Variants in OPCML observed in about 807,000 individuals in gnomAD.
OPCML encodes opioid-binding protein/cell adhesion molecule.
Under a neutral mutation model 37.8 loss-of-function variants are expected in OPCML, and 13 were observed. The ratio of observed to expected loss-of-function variants is 0.34; its 90% CI spans 0.22 to 0.55. OPCML has a LOEUF of 0.55. OPCML is among the 20% of genes least tolerant of loss of function. The pLI, the probability that OPCML is intolerant of heterozygous loss-of-function variation, is 0.91. For synonymous variants in OPCML, 176 were observed against 168.8 expected (o/e 1.04, Z -0.33); for missense variants, 341 against 435.6 (o/e 0.78, Z 1.93).
At chr11:133,324,689 C>T (rs1943408673) in intron 1 of OPCML, among the ~76,000 whole-genome samples, 1 of 152,126 alleles carries the variant, frequency 6.6e-6, no homozygotes, top group Non-Finnish European at 1.5e-5. Flanking sequence ...ATGGGCAGGG[C>T]TAAATTGTCA....
At chr11:133,360,652 A>C (rs1190387963) in intron 1 of OPCML, 1 of 152,316 alleles carries the variant, frequency 6.6e-6, no homozygotes, top group Non-Finnish European at 1.5e-5. Context: ...GAGACGGGCA[A>C]CTTATGTTGC....
intron 1 of OPCML, among the ~76,000 whole-genome samples, chr11:133,073,542 G>A (rs1195903979): frequency 3.9e-5 from 6 of 152,216 alleles, no homozygotes; most frequent in Admixed American, 3.9e-4. Flanking sequence ...TCCTGCCATT[G>A]GCAATGCCAG....
chr11:132,817,578 A>G (rs1939706176), intron 2 of OPCML, among the ~76,000 whole-genome samples: 1 of 152,148 alleles, frequency 6.6e-6, no homozygotes, highest in Admixed American at 6.5e-5. Context: ...TATGCTTCAG[A>G]GGTGATCTCA....
At chr11:132,824,565 A>G (rs749353159) in intron 2 of OPCML, among the ~76,000 whole-genome samples, 3 of 152,014 alleles carry the variant, frequency 2.0e-5, no homozygotes, top group Non-Finnish European at 2.9e-5. Flanking sequence ...CTTTCAATCC[A>G]TCTTCTCTTG....
At chr11:132,516,631 G>C (rs1026497696) in intron 4 of OPCML, among the ~76,000 whole-genome samples, 3 of 152,216 alleles carry the variant, frequency 2.0e-5, no homozygotes, top group African/African-American at 7.2e-5. Flanking sequence ...CCCAAGGAAA[G>C]GTTAGTGAAT....
At chr11:132,473,500 A>AT (rs928250443) in intron 4 of OPCML, among the ~76,000 whole-genome samples, 8 of 152,152 alleles carry the variant, frequency 5.3e-5, no homozygotes, top group African/African-American at 1.9e-4. Context: ...AGGAGACTGC[A>AT]TTTTTCAGAG....
intron 2 of OPCML, among the ~76,000 whole-genome samples, chr11:132,929,627 G>A (rs79867409): frequency 0.014 from 2,148 of 152,202 alleles, 57 homozygotes; most frequent in African/African-American, 0.049. Flanking sequence ...ACCAATACTA[G>A]TCTAATGTGC....
chr11:132,606,815 C>T (rs1938332591), intron 3 of OPCML, among the ~76,000 whole-genome samples: 2 of 152,128 alleles, frequency 1.3e-5, no homozygotes, highest in African/African-American at 4.8e-5. Flanking sequence ...ATCCCATGGA[C>T]TTGGGGCTGG....
chr11:133,491,941 G>C (rs770946558), intron 1 of OPCML, among the ~76,000 whole-genome samples: 2 of 152,164 alleles, frequency 1.3e-5, no homozygotes, highest in Non-Finnish European at 2.9e-5. Flanking sequence ...GGCTCCCACA[G>C]CAAGTGTCAC....
chr11:133,299,375 G>A (rs946876954), intron 1 of OPCML: 16 of 152,348 alleles, frequency 1.1e-4, no homozygotes, highest in Non-Finnish European at 1.9e-4. Flanking sequence ...AGTTGCTGGG[G>A]TTGAAGCTCT....
chr11:133,487,798 TGTGTGC>T (rs980100683), intron 1 of OPCML, among the ~76,000 whole-genome samples: 3 of 151,622 alleles, frequency 2.0e-5, no homozygotes, highest in African/African-American at 7.3e-5. Context: ...TGTGTGTGTG[TGTGTGC>T]GTGTGTGTAA....
intron 1 of OPCML, among the ~76,000 whole-genome samples, chr11:133,312,697 C>A (rs1311544556): frequency 1.3e-5 from 2 of 152,192 alleles, no homozygotes; most frequent in African/African-American, 2.4e-5. Context: ...CCTTCTACTA[C>A]TTGCAAGGGG....
intron 2 of OPCML, among the ~76,000 whole-genome samples, chr11:132,884,584 T>A (rs1414236238): frequency 1.3e-5 from 2 of 152,246 alleles, no homozygotes; most frequent in Non-Finnish European, 2.9e-5. Context: ...TAGTCTGCTA[T>A]AGTTTAAAGA....
At chr11:132,485,027 C>T (rs1235746100) in intron 4 of OPCML, among the ~76,000 whole-genome samples, 1 of 151,872 alleles carries the variant, frequency 6.6e-6, no homozygotes, top group Admixed American at 6.6e-5. Context: ...ATGTAACTAA[C>T]CTGCACATTG....
chr11:132,490,986 CCTCGG>C (rs200343108), intron 4 of OPCML, among the ~76,000 whole-genome samples: 3,025 of 152,240 alleles, frequency 0.02, 96 homozygotes, highest in East Asian at 0.063. Context: ...AGTTCAAAAG[CCTCGG>C]ACTCACTTTT....
At chr11:133,004,828 G>A (rs1196904666) in intron 1 of OPCML, 4 of 985,242 alleles carry the variant, frequency 4.1e-6, no homozygotes, top group East Asian at 1.1e-4. Context: ...CTCCATCTAC[G>A]GGAGTCAGTT....
At chr11:132,743,691 G>T (rs1251342761) in intron 2 of OPCML, among the ~76,000 whole-genome samples, 1 of 152,184 alleles carries the variant, frequency 6.6e-6, no homozygotes, top group Non-Finnish European at 1.5e-5. Context: ...CAAGCCTGCT[G>T]GTGTCACATT....
At chr11:132,840,667 G>A (rs993815581) in intron 2 of OPCML, among the ~76,000 whole-genome samples, 1 of 152,158 alleles carries the variant, frequency 6.6e-6, no homozygotes, top group African/African-American at 2.4e-5. Context: ...AATCCGAAGC[G>A]TTAATCTGTC....
intron 1 of OPCML, among the ~76,000 whole-genome samples, chr11:132,978,938 C>A (rs902108736): frequency 3.7e-4 from 57 of 152,078 alleles, no homozygotes; most frequent in Admixed American, 2.6e-4. Flanking sequence ...ATGTGCAAAC[C>A]CCAACTCCTC....
Sources: gnomAD v4.1 joint callset for allele counts (sites outside exome capture counted in the v4.1 genomes callset) on GRCh38, gnomAD v4.1.1 for gene constraint, MANE v1.5 for transcripts, NCBI Gene and HGNC (gene_info 2026-07-23, HGNC 2026-07-21) for gene names.